The following IGSF9B variants were observed in gnomAD, a reference collection of about 807,000 sequenced individuals.
The protein encoded by IGSF9B is protein turtle homolog B.
Under a neutral mutation model 143.7 loss-of-function variants are expected in IGSF9B, and 48 were observed. The observed-to-expected ratio is 0.33, with a 90% confidence interval of 0.26 to 0.42. The LOEUF is 0.42. IGSF9B is among the 20% of genes least tolerant of loss of function. IGSF9B has a pLI of 1.00. For missense variants in IGSF9B, 1,706 were observed against 1,980.0 expected (o/e 0.86, Z 2.63); for synonymous variants, 903 against 833.1 (o/e 1.08, Z -1.44).
intron 7 of IGSF9B, among the ~76,000 whole-genome samples, chr11:133,932,494 GCAGA>G (rs1209546790): frequency 2.2e-5 from 3 of 138,526 alleles, no homozygotes; most frequent in Non-Finnish European, 3.1e-5. Context: ...AGGTGAGAGA[GCAGA>G]CAGACAGACA....
At position 133,905,410 on chromosome 11, in the gene IGSF9B, C is replaced by T. The variant is rs1939196124; in HGVS notation, c.*3659G>A. Among the ~76,000 whole-genome samples, 1 of 152,070 alleles carries T rather than the reference C, an allele frequency of 6.6e-6. No homozygotes were observed. Among genetic ancestry groups the T allele is most frequent in the African/African-American group, 2.4e-5 (1 of 41,390 alleles). ...GCTACTGTTTCGTCAACCTTGTCCC[C>T]CACCCCAAATAAAATCAGAAAATTT... On this transcript the variant is annotated 3_prime_UTR_variant, in exon 20 of 20. Coordinates refer to ENST00000533871, the MANE Select transcript of IGSF9B (RefSeq NM_001277285.4). The surrounding 1 kb of genome is among the most constrained non-coding windows in gnomAD (Gnocchi z 4.0).
intron 18 of IGSF9B, among the ~76,000 whole-genome samples, chr11:133,915,673 G>A (rs1025767995): frequency 1.3e-5 from 2 of 152,220 alleles, no homozygotes; most frequent in Non-Finnish European, 2.9e-5. Flanking sequence ...TCAAAGTGGA[G>A]GCAAGCCTCA....
chr11:133,937,228 G>A lies in IGSF9B; in HGVS notation c.679+148C>T, dbSNP rs974742412. 15 of 583,348 alleles carry A rather than the reference G, an allele frequency of 2.6e-5. No individual in the cohort carries two copies. The Admixed American group carries it at 2.7e-4, about 11-fold the overall frequency. 36.1% of individuals were successfully genotyped at this position (583,348 alleles called of 1,614,324 possible). ...GGAGCTCTGACCAGGGCAGCAGGCA[G>A]CACACAGGAGCCCCGCACAGGTCCT... On this transcript the variant is annotated intron_variant, in intron 5 of 19. Coordinates refer to ENST00000533871, the MANE Select transcript of IGSF9B (RefSeq NM_001277285.4).
In IGSF9B at chr11:133,920,372, G is replaced by A. The variant is rs1277186397; in HGVS notation, c.3353C>T (p.Ala1118Val). The A allele has an allele frequency of 4.4e-6, 7 of 1,604,324 alleles. No homozygotes were observed. The highest frequency in any genetic ancestry group is 6.0e-6 in the Non-Finnish European group (7 of 1,176,028). Residue 1118 changes from alanine (A) to valine (V), a missense_variant, in exon 18 of 20, where the codon GCC (alanine) becomes GTC (valine). Ala to Val is a moderately conservative substitution (Grantham distance 64). Coordinates refer to ENST00000533871, the MANE Select transcript of IGSF9B (RefSeq NM_001277285.4). ...CATAGGTCTGTCCTGCCACTTGGCG[G>A]CGGGGGGCGCTGGGACAGGGCCCCT... ...PGRGPVPAPP[A>V]AKWQDRPMQP...
rs1019019509 is a variant in IGSF9B, at chr11:133,913,401, G to A, written c.3984-1394C>T. 6.6e-6 allele frequency among the ~76,000 whole-genome samples: 1 copy of A among 152,134 alleles called. No homozygotes were observed. The highest frequency in any genetic ancestry group is 1.5e-5 in the Non-Finnish European group (1 of 68,024). ...GCATCAAATATGTTGGCAGCAAGGC[G>A]GGAAGAGGAGACTTACACACTAATT... On this transcript the variant is annotated intron_variant, in intron 18 of 19. Coordinates refer to ENST00000533871, the MANE Select transcript of IGSF9B (RefSeq NM_001277285.4). The surrounding 1 kb of genome is among the most constrained non-coding windows in gnomAD (Gnocchi z 4.6).
rs1940036835 is a variant in IGSF9B, at chr11:133,945,810, C to T, written c.262+251G>A. 6.6e-6 allele frequency among the ~76,000 whole-genome samples: 1 copy of T among 152,146 alleles called. No individual in the cohort carries two copies. The highest frequency in any genetic ancestry group is 2.4e-5 in the African/African-American group (1 of 41,428). On this transcript the variant is annotated intron_variant, in intron 2 of 19. Coordinates refer to ENST00000533871, the MANE Select transcript of IGSF9B (RefSeq NM_001277285.4). The surrounding 1 kb of genome is among the most constrained non-coding windows in gnomAD (Gnocchi z 4.6). The stretch of plus-strand genomic sequence containing the variant: ...TCTCCCACCCAGGCCTCTCCAGCTT[C>T]CCCTTTGGCTCCCAGCCCTCTCCAC...
At chr11:133,952,204 C>A in intron 1 of IGSF9B, 1 of 385,558 alleles carries the variant, frequency 2.6e-6, no homozygotes, top group South Asian at 1.9e-5. Context: ...AGGTCAGCTG[C>A]CTCCAGCAGA....
At chr11:133,922,085 A>G in intron 17 of IGSF9B, 92 bp downstream of exon 17, 1 of 1,065,662 alleles carries the variant, frequency 9.4e-7, no homozygotes, top group Non-Finnish European at 1.4e-6. Flanking sequence ...AATGGCTTAG[A>G]AACACTAACA....
rs964410694 is a variant in IGSF9B at position 133,931,867 on chromosome 11, G to C, written c.1111-72C>G. On this transcript the variant is annotated intron_variant, in intron 8 of 19. Coordinates refer to ENST00000533871, the MANE Select transcript of IGSF9B (RefSeq NM_001277285.4). The surrounding 1 kb of genome is among the most constrained non-coding windows in gnomAD (Gnocchi z 7.7). ...GCGCTCCATCCCAGGCTGGGTCCCA[G>C]CTGGGCCAGGCAGCACGCAGGATAG... 20 of 1,577,572 alleles carry C rather than the reference G, an allele frequency of 1.3e-5. No individual in the cohort carries two copies. In the African/African-American group the frequency reaches 2.7e-4, roughly 22 times the overall value.
chr11:133,939,525 G>A (rs566041654), intron 3 of IGSF9B, among the ~76,000 whole-genome samples: 3 of 152,316 alleles, frequency 2.0e-5, no homozygotes, highest in African/African-American at 7.2e-5. Context: ...TTGAATGAAC[G>A]AAAGAATGAA....
intron 3 of IGSF9B, chr11:133,938,240 C>G: frequency 2.9e-6 from 1 of 347,560 alleles, no homozygotes. Flanking sequence ...CTTACAAACA[C>G]TGCCTGCTCC....
In IGSF9B at chr11:133,920,564, G is replaced by A. The variant is rs753417349; in HGVS notation, c.3161C>T (p.Ala1054Val). ...EFPFGGLETP[A>V]MMFPHQLPPC... Reference sequence around the variant, plus strand: ...TGGCAGCTGGTGGGGGAACATCATCGCTGGGGTCTCCAGCCCCCCGAAGGG... The same window carrying A: ...TGGCAGCTGGTGGGGGAACATCATCACTGGGGTCTCCAGCCCCCCGAAGGG... Residue 1054 changes from alanine to valine, a missense_variant, in exon 18 of 20, where the codon GCG becomes GTG. Ala to Val is a moderately conservative substitution (Grantham distance 64, BLOSUM62 0). Around this residue, in one of 7 missense-constraint regions of IGSF9B, gnomAD observed 880 missense variants for 762.9 expected, o/e 1.15. Transcript: ENST00000533871. The A allele has an allele frequency of 2.2e-5, 35 of 1,612,954 alleles. No homozygotes were observed. The highest frequency in any genetic ancestry group is 1.1e-4 in the South Asian group (10 of 91,046).
In IGSF9B at chr11:133,942,063, A is replaced by G. The variant is rs536409521; in HGVS notation, c.409+2157T>C. On this transcript the variant is annotated intron_variant, in intron 3 of 19. Transcript: ENST00000533871. ...ATGTCCAAAACTATGTTTCGAATGG[A>G]TAACTGCTGGTAGACTCACAAAACT... 1.9e-4 allele frequency among the ~76,000 whole-genome samples: 29 copies of G among 152,326 alleles called. No homozygotes were observed. The South Asian group carries it at 5.4e-3, about 28-fold the overall frequency.
rs903398972 is a variant in IGSF9B at position 133,920,378 on chromosome 11, G to A, written c.3347C>T (p.Pro1116Leu). 1.9e-6 allele frequency: 3 copies of A among 1,603,922 alleles called. No homozygotes were observed. In the African/African-American group the frequency reaches 4.0e-5, roughly 22 times the overall value. ...TCTGTCCTGCCACTTGGCGGCGGGG[G>A]GCGCTGGGACAGGGCCCCTGCCGGG... ...KSPGRGPVPA[P>L]PAAKWQDRPM... Residue 1116 changes from proline (P) to leucine (L), a missense_variant, in exon 18 of 20, where the codon CCC becomes CTC. Around this residue, in one of 7 missense-constraint regions of IGSF9B, gnomAD observed 880 missense variants for 762.9 expected, o/e 1.15. Transcript: ENST00000533871.
chr11:133,911,603 C>T (rs752139676), intron 19 of IGSF9B, among the ~76,000 whole-genome samples: 3 of 152,152 alleles, frequency 2.0e-5, no homozygotes, highest in South Asian at 2.1e-4. Flanking sequence ...ATGCTGAAAA[C>T]GACAGTTCTC....
chr11:133,907,004 T>G lies in IGSF9B; in HGVS notation c.*2065A>C, dbSNP rs1939219702. ...CTGGAAAAAAGAACACAAAGAGTTG[T>G]GTGCTCTTCCATCTCGCAGAGCTGG... On this transcript the variant is annotated 3_prime_UTR_variant, in exon 20 of 20. Transcript: ENST00000533871. Among the ~76,000 whole-genome samples, 1 of 152,134 alleles carries G rather than the reference T, an allele frequency of 6.6e-6. No homozygotes were observed.
chr11:133,909,045 G>A lies in IGSF9B; in HGVS notation c.*24C>T, dbSNP rs911733275. 13 of 1,527,200 alleles carry A rather than the reference G, an allele frequency of 8.5e-6. No individual in the cohort carries two copies. The highest frequency in any genetic ancestry group is 1.8e-4 in the Middle Eastern group (1 of 5,586). The allele number at this position is 1,527,200 out of a possible 1,614,324, so 94.6% of individuals were successfully genotyped here. A position where few individuals can be genotyped will look rare whatever the true frequency, so the allele number is the denominator to read the frequency against. On this transcript the variant is annotated 3_prime_UTR_variant, in exon 20 of 20. Transcript: ENST00000533871. This position sits in a 1 kb window ranked among gnomAD's most constrained non-coding sequence, Gnocchi z 4.2. Reference sequence around the variant, plus strand: ...TGCCTGAGCCCAGCAACCTCGCCCCGGGGACACCTAGAGTGGGGTGGAGTC... The same window carrying A: ...TGCCTGAGCCCAGCAACCTCGCCCCAGGGACACCTAGAGTGGGGTGGAGTC...
At chr11:133,937,319 G>A (rs1270982377) in intron 5 of IGSF9B, 57 bp downstream of exon 5, 53 of 1,332,312 alleles carry the variant, frequency 4.0e-5, no homozygotes, top group Non-Finnish European at 5.0e-5. Context: ...TAGCTCAGCC[G>A]GGCTGGACAT....
intron 3 of IGSF9B, among the ~76,000 whole-genome samples, chr11:133,942,472 G>A (rs1373742111): frequency 2.0e-5 from 3 of 152,166 alleles, no homozygotes; most frequent in South Asian, 2.1e-4. Context: ...ACACAGATAC[G>A]CTCCAGAACA....
Sources: gnomAD v4.1 joint callset for allele counts (sites outside exome capture counted in the v4.1 genomes callset) on GRCh38, gnomAD v4.1.1 for gene constraint, gnomAD v4.1.1 regional missense constraint, Gnocchi (gnomAD v3.1) non-coding constraint, MANE v1.5 for transcripts, NCBI Gene and HGNC (gene_info 2026-07-23, HGNC 2026-07-21) for gene names.